DDX10: variants seen among roughly 807,000 people sequenced by gnomAD.
The protein encoded by DDX10 is probable ATP-dependent RNA helicase DDX10.
DDX10 carries 74 observed loss-of-function variants against 104.3 expected under a neutral mutation model. That is an observed-to-expected ratio of 0.71 (90% CI 0.59 to 0.86). The LOEUF is 0.86. Ranked by LOEUF, DDX10 falls within the 40% of genes least tolerant of loss-of-function variation. The pLI, the probability that DDX10 is intolerant of heterozygous loss-of-function variation, is 0.00. For missense variants in DDX10, 952 were observed against 1,040.0 expected (o/e 0.92, Z 1.16); for synonymous variants, 351 against 353.4 (o/e 0.99, Z 0.08).
chr11:108,684,248 T>G (rs1459419018), intron 6 of DDX10, among the ~76,000 whole-genome samples: 1 of 149,374 alleles, frequency 6.7e-6, no homozygotes, highest in Non-Finnish European at 1.5e-5. Flanking sequence ...TTGTGCAGGT[T>G]AGTTACATAT....
At chr11:108,763,917 A>G (rs2134518679) in intron 13 of DDX10, among the ~76,000 whole-genome samples, 1 of 152,334 alleles carries the variant, frequency 6.6e-6, no homozygotes, top group African/African-American at 2.4e-5. Context: ...CAGGTTTCAA[A>G]TTACTTACAG....
intron 13 of DDX10, among the ~76,000 whole-genome samples, chr11:108,751,667 G>A (rs1975910): frequency 0.12 from 18,631 of 152,054 alleles, 1,550 homozygotes; most frequent in East Asian, 0.27. Context: ...TAGGGGAAAC[G>A]TGTGTACAAA....
rs115983010 is a variant in DDX10, at chr11:108,755,421, C to G, written c.1965+31959C>G. On this transcript the variant is annotated intron_variant, in intron 13 of 17. Coordinates refer to ENST00000322536, the MANE Select transcript of DDX10 (RefSeq NM_004398.4). ...AGTAGGCCCCTGAGACAAATCTGGCCTATTGCCTGTGTTGTAAATAAAGTT... is the reference window on the plus strand; with the variant it reads ...AGTAGGCCCCTGAGACAAATCTGGCGTATTGCCTGTGTTGTAAATAAAGTT... Among the ~76,000 whole-genome samples the G allele has an allele frequency of 9.7e-3, 1,472 of 152,094 alleles. 18 individuals carry two copies. The highest frequency in any genetic ancestry group is 0.033 in the African/African-American group (1,376 of 41,492).
intron 13 of DDX10, among the ~76,000 whole-genome samples, chr11:108,809,120 T>A (rs1170337799): frequency 6.6e-6 from 1 of 152,110 alleles, no homozygotes; most frequent in Non-Finnish European, 1.5e-5. Flanking sequence ...ATTAAAACAA[T>A]GGAGAATACA....
intron 15 of DDX10, among the ~76,000 whole-genome samples, chr11:108,844,172 A>T (rs1451473974): frequency 1.3e-5 from 2 of 151,726 alleles, no homozygotes; most frequent in Admixed American, 6.6e-5. Flanking sequence ...TTTTTTTTTT[A>T]AAGTGACAAC....
In DDX10 at chr11:108,811,860, G is replaced by A. The variant is rs945487437; in HGVS notation, c.1966-26586G>A. On this transcript the variant is annotated intron_variant, in intron 13 of 17. Transcript: ENST00000322536. ...TAGATCAAAGGACAATTATAAAAGGGAAACACAGGAAAGGGGAATTAATTA... is the reference window on the plus strand; with the variant it reads ...TAGATCAAAGGACAATTATAAAAGGAAAACACAGGAAAGGGGAATTAATTA... Among the ~76,000 whole-genome samples, 5 of 130,524 alleles carry A rather than the reference G, an allele frequency of 3.8e-5. No homozygotes were observed. In the South Asian group the frequency reaches 1.6e-3, roughly 41 times the overall value. The allele number at this position is 130,524 out of a possible 152,430, so 85.6% of individuals were successfully genotyped here.
At chr11:108,914,133 T>C (rs1486079438) in intron 16 of DDX10, among the ~76,000 whole-genome samples, 2 of 152,248 alleles carry the variant, frequency 1.3e-5, no homozygotes, top group East Asian at 1.9e-4. Context: ...GTATTTTCTT[T>C]ATATACCAAT....
intron 13 of DDX10, among the ~76,000 whole-genome samples, chr11:108,806,450 C>T (rs1047498871): frequency 2.6e-5 from 4 of 152,064 alleles, no homozygotes; most frequent in East Asian, 1.9e-4. Flanking sequence ...AGGTAGTGAA[C>T]GACATTGAGC....
At chr11:108,801,574 A>G (rs1862021085) in intron 13 of DDX10, among the ~76,000 whole-genome samples, 1 of 152,094 alleles carries the variant, frequency 6.6e-6, no homozygotes, top group South Asian at 2.1e-4. Context: ...ACAGCCCCCA[A>G]TTCCTTCCTA....
intron 13 of DDX10, among the ~76,000 whole-genome samples, chr11:108,810,775 A>T (rs1565286016): frequency 6.6e-6 from 1 of 152,208 alleles, no homozygotes; most frequent in East Asian, 1.9e-4. Flanking sequence ...CTCCAAAAAA[A>T]CCCAGAAAAC....
At chr11:108,675,071 G>A (rs1463624942) in intron 2 of DDX10, among the ~76,000 whole-genome samples, 2 of 149,612 alleles carry the variant, frequency 1.3e-5, no homozygotes, top group South Asian at 2.1e-4. Context: ...CTTTTTAAAG[G>A]CTGAGTCATA....
intron 16 of DDX10, among the ~76,000 whole-genome samples, chr11:108,892,999 T>C (rs1324038518): frequency 1.3e-5 from 2 of 152,316 alleles, no homozygotes; most frequent in East Asian, 1.9e-4. Flanking sequence ...GAATCTTATA[T>C]GTGAAATCTT....
At chr11:108,890,215 A>C (rs1209532473) in intron 16 of DDX10, among the ~76,000 whole-genome samples, 2 of 152,194 alleles carry the variant, frequency 1.3e-5, no homozygotes, top group Non-Finnish European at 2.9e-5. Context: ...TCGATTGTAA[A>C]AATGAGGAAA....
chr11:108,834,801 G>C lies in DDX10; in HGVS notation c.1966-3645G>C, dbSNP rs1402119323. ...AAATTAGCCGGGCGTGGTGGCGGGCGCCTGTAGTCCCAGCTACTCCGGAGG... is the reference window on the plus strand; with the variant it reads ...AAATTAGCCGGGCGTGGTGGCGGGCCCCTGTAGTCCCAGCTACTCCGGAGG... On this transcript the variant is annotated intron_variant, in intron 13 of 17. Transcript: ENST00000322536. Among the ~76,000 whole-genome samples the C allele has an allele frequency of 2.0e-5, 3 of 151,634 alleles. No homozygotes were observed. In the East Asian group the frequency reaches 5.8e-4, roughly 30 times the overall value.
intron 13 of DDX10, among the ~76,000 whole-genome samples, chr11:108,825,668 A>G (rs750071574): frequency 3.3e-5 from 5 of 152,232 alleles, no homozygotes; most frequent in Non-Finnish European, 7.3e-5. Flanking sequence ...TGGTTATTTC[A>G]TAGTAAATAG....
intron 9 of DDX10, among the ~76,000 whole-genome samples, chr11:108,699,470 C>T (rs967316749): frequency 2.6e-5 from 4 of 152,170 alleles, no homozygotes; most frequent in African/African-American, 9.7e-5. Flanking sequence ...AGATTCATTT[C>T]CTCCTCTGCT....
intron 13 of DDX10, among the ~76,000 whole-genome samples, chr11:108,758,781 A>G (rs183296249): frequency 6.6e-6 from 1 of 152,140 alleles, no homozygotes; most frequent in Admixed American, 6.6e-5. Context: ...ACTCATCTGG[A>G]TGATCCAGGA....
chr11:108,816,615 C>T lies in DDX10; in HGVS notation c.1966-21831C>T, dbSNP rs552791324. On this transcript the variant is annotated intron_variant, in intron 13 of 17. Transcript: ENST00000322536. The stretch of plus-strand genomic sequence containing the variant: ...GCGCCCAGGCTGGAGTACAGTGGCA[C>T]GATCTTGGCTCACTGCAACGTCTGC... Among the ~76,000 whole-genome samples, 21 of 150,296 alleles carry T rather than the reference C, an allele frequency of 1.4e-4. 1 individual carries two copies. In the South Asian group the frequency reaches 2.5e-3, roughly 18 times the overall value.
chr11:108,833,601 G>A (rs531864579), intron 13 of DDX10, among the ~76,000 whole-genome samples: 2 of 152,344 alleles, frequency 1.3e-5, no homozygotes, highest in African/African-American at 4.8e-5. Flanking sequence ...CTTCAGGGGG[G>A]CAGGACACAG....
Sources: allele counts gnomAD v4.1 joint callset (sites outside exome capture counted in the v4.1 genomes callset), GRCh38; gene constraint gnomAD v4.1.1; transcripts MANE v1.5; gene names NCBI Gene and HGNC (gene_info 2026-07-23, HGNC 2026-07-21).